The following AGBL4 variants were observed in gnomAD, a reference collection of about 807,000 sequenced individuals.
The protein encoded by AGBL4 is AGBL carboxypeptidase 4, also known as cytosolic carboxypeptidase 6.
In AGBL4, 58 loss-of-function variants were observed where a neutral mutation model predicts 66.4. The observed-to-expected ratio is 0.87, with a 90% CI of 0.71 to 1.09. AGBL4 has a LOEUF of 1.09. AGBL4 is among the 50% of genes least tolerant of loss of function. The pLI is 0.00. For missense variants in AGBL4, 579 were observed against 631.0 expected (o/e 0.92, Z 0.88); for synonymous variants, 234 against 222.9 (o/e 1.05, Z -0.44).
At chr1:48,831,625 C>T (rs1188380368) in intron 6 of AGBL4, among the ~76,000 whole-genome samples, 1 of 152,186 alleles carries the variant, frequency 6.6e-6, no homozygotes, top group Non-Finnish European at 1.5e-5. Context: ...TAGCCACTAA[C>T]TCAGTGCTTG....
At chr1:49,342,077 A>G (rs1645550891) in intron 3 of AGBL4, among the ~76,000 whole-genome samples, 1 of 152,172 alleles carries the variant, frequency 6.6e-6, no homozygotes, top group African/African-American at 2.4e-5. Flanking sequence ...GCAATGGGAC[A>G]GGTCATACCC....
intron 1 of AGBL4, among the ~76,000 whole-genome samples, chr1:49,948,582 T>TAGAGAGAGAGAGAGAG (rs71059567): frequency 7.9e-6 from 1 of 126,914 alleles, no homozygotes; most frequent in Non-Finnish European, 1.6e-5. Context: ...TATATATATA[T>TAGAGAGAGAGAGAGAG]AGAGAGAGAG....
At chr1:49,546,745 T>G (rs1652522939) in intron 3 of AGBL4, among the ~76,000 whole-genome samples, 2 of 152,260 alleles carry the variant, frequency 1.3e-5, no homozygotes, top group Admixed American at 6.5e-5. Context: ...GATTTGCATT[T>G]CCCTGATCAT....
rs1646932977 is a variant in AGBL4 at position 48,709,604 on chromosome 1, T to TTAC, written c.635-46364_635-46363insGTA. ...CCAGGCATTATTATTATTATTATTATTATTATTATTATTTTGAGATGGAAT... is the reference window on the plus strand; with the variant it reads ...CCAGGCATTATTATTATTATTATTATTACTATTATTATTATTTTGAGATGGAAT... On this transcript the variant is annotated intron_variant, in intron 6 of 13. Transcript: ENST00000371839. 3.4e-5 allele frequency among the ~76,000 whole-genome samples: 5 copies of TTAC among 148,368 alleles called. No individual in the cohort carries two copies. In the South Asian group the frequency reaches 8.5e-4, roughly 25 times the overall value.
At chr1:48,587,750 C>A (rs1644847070) in intron 10 of AGBL4, among the ~76,000 whole-genome samples, 1 of 151,732 alleles carries the variant, frequency 6.6e-6, no homozygotes. Context: ...TCATGCCATT[C>A]TCCTGCCTCA....
intron 4 of AGBL4, among the ~76,000 whole-genome samples, chr1:49,233,473 C>G (rs940067007): frequency 3.9e-5 from 6 of 152,172 alleles, no homozygotes; most frequent in Non-Finnish European, 8.8e-5. Context: ...GGGATACTTG[C>G]AATAACTGGC....
chr1:49,946,671 C>T (rs959843410), intron 1 of AGBL4, among the ~76,000 whole-genome samples: 11 of 151,460 alleles, frequency 7.3e-5, no homozygotes, highest in East Asian at 1.9e-4. Flanking sequence ...CAAACCAAAC[C>T]GAAATCCAGC....
chr1:48,631,738 T>G (rs1471009741), intron 9 of AGBL4, among the ~76,000 whole-genome samples: 2 of 152,044 alleles, frequency 1.3e-5, no homozygotes, highest in African/African-American at 2.4e-5. Flanking sequence ...ATCATCCAAA[T>G]CAGAACAATT....
chr1:48,536,333 AG>A (rs35735323), intron 12 of AGBL4, among the ~76,000 whole-genome samples: 1 of 152,142 alleles, frequency 6.6e-6, no homozygotes, highest in Non-Finnish European at 1.5e-5. Context: ...ACAGGGGTGG[AG>A]GGGTGGTAGA....
intron 11 of AGBL4, chr1:48,585,897 C>T (rs1454033066): frequency 2.0e-5 from 3 of 152,156 alleles, no homozygotes; most frequent in African/African-American, 4.8e-5. Context: ...AAGATGTTTT[C>T]CTGCACAGAG....
rs1236883403 is a variant in AGBL4 at position 48,534,904 on chromosome 1, T to C, written c.1377A>G (p.Ile459Met). The C allele has an allele frequency of 7.1e-6, 11 of 1,551,460 alleles. No homozygotes were observed. The East Asian group carries it at 2.7e-4, about 38-fold the overall frequency. ...CAGTTCCTTACCTTCTCTGGACTTC[T>C]ATTTCTTTATTTCTAAAATAGGAGA... ...IPMPRLRNKE[I>M]EVQRRKEKSP... The change falls in exon 13 of 14, where the codon ATA becomes ATG. Residue 459 changes from isoleucine (I) to methionine (M), a missense_variant. Ile to Met is a conservative substitution (Grantham distance 10). Transcript: ENST00000371839.
intron 11 of AGBL4, among the ~76,000 whole-genome samples, chr1:48,575,615 C>A (rs908025955): frequency 1.3e-5 from 2 of 152,200 alleles, no homozygotes; most frequent in Non-Finnish European, 2.9e-5. Context: ...AGGAAAGCAG[C>A]TCTCTGGACT....
At chr1:48,702,458 A>G (rs1012764996) in intron 6 of AGBL4, among the ~76,000 whole-genome samples, 1 of 151,874 alleles carries the variant, frequency 6.6e-6, no homozygotes, top group African/African-American at 2.4e-5. Context: ...CGCCTAGCTA[A>G]TTTTTATATT....
At chr1:49,736,557 G>A (rs1649906935) in intron 2 of AGBL4, among the ~76,000 whole-genome samples, 1 of 152,136 alleles carries the variant, frequency 6.6e-6, no homozygotes, top group East Asian at 1.9e-4. Context: ...TTAAAACACA[G>A]CATACTAAAC....
chr1:48,779,735 C>T (rs1378776136), intron 6 of AGBL4, among the ~76,000 whole-genome samples: 4 of 140,772 alleles, frequency 2.8e-5, no homozygotes, highest in Non-Finnish European at 6.0e-5. Flanking sequence ...TTTCTTGAGA[C>T]GGAGTTTCGC....
chr1:49,044,964 G>A (rs114700973), intron 5 of AGBL4, among the ~76,000 whole-genome samples: 6,636 of 152,140 alleles, frequency 0.044, 183 homozygotes, highest in East Asian at 0.075. Flanking sequence ...GTGTTGTTTT[G>A]TACTACCATA....
In AGBL4 at chr1:50,019,306, T is replaced by TCTCACACACA. The variant is rs1167835143; in HGVS notation, c.34+4456_34+4457insTGTGTGTGAG. On this transcript the variant is annotated intron_variant, in intron 1 of 13. Coordinates refer to ENST00000371839, the MANE Select transcript of AGBL4 (RefSeq NM_032785.4). ...CTCTCTCTCTCTCTCTCTCTCTCTC[T>TCTCACACACA]CACACACACACACACACACACACAC... Among the ~76,000 whole-genome samples, 129 of 48,424 alleles carry TCTCACACACA rather than the reference T, an allele frequency of 2.7e-3. 1 individual carries two copies. Among genetic ancestry groups the TCTCACACACA allele is most frequent in the East Asian group, 0.011 (10 of 940 alleles). The allele number at this position is 48,424 out of a possible 152,430, so 31.8% of individuals were successfully genotyped here.
chr1:49,319,193 T>G (rs991986096), intron 3 of AGBL4, among the ~76,000 whole-genome samples: 1 of 152,162 alleles, frequency 6.6e-6, no homozygotes, highest in Non-Finnish European at 1.5e-5. Flanking sequence ...GATGGGTAAG[T>G]TGAAACCACG....
At position 48,814,362 on chromosome 1, in the gene AGBL4, G is replaced by C. The variant is rs555818313; in HGVS notation, c.634+52829C>G. 6.5e-3 allele frequency among the ~76,000 whole-genome samples: 291 copies of C among 44,708 alleles called. 2 individuals carry two copies. Among genetic ancestry groups the C allele is most frequent in the African/African-American group, 9.4e-3 (281 of 30,022 alleles). 29.3% of individuals were successfully genotyped at this position (44,708 alleles called of 152,430 possible). On this transcript the variant is annotated intron_variant, in intron 6 of 13. Coordinates refer to ENST00000371839, the MANE Select transcript of AGBL4 (RefSeq NM_032785.4). ...ACATATAATAATTGTACATATTCAT[G>C]GGAAACATAGTGATATTTTGATATA...
Sources: allele counts gnomAD v4.1 joint callset (sites outside exome capture counted in the v4.1 genomes callset), GRCh38; gene constraint gnomAD v4.1.1; transcripts MANE v1.5; gene names NCBI Gene and HGNC (gene_info 2026-07-23, HGNC 2026-07-21).